EPHA6: variants seen among roughly 807,000 people sequenced by gnomAD.
EPHA6 encodes the protein EPH receptor A6, also known as ephrin type-A receptor 6.
In EPHA6, 50 loss-of-function variants were observed where a neutral mutation model predicts 112.0. The ratio of observed to expected loss-of-function variants is 0.45; its 90% confidence interval spans 0.36 to 0.56. The LOEUF (loss-of-function observed/expected upper bound fraction) is 0.56. EPHA6 is among the 20% of genes least tolerant of loss of function. The pLI is 0.00. For synonymous variants in EPHA6, 529 were observed against 490.7 expected (o/e 1.08, Z -1.03); for missense variants, 1,280 against 1,417.4 (o/e 0.90, Z 1.56).
intron 7 of EPHA6, among the ~76,000 whole-genome samples, chr3:97,460,651 G>A (rs1450832084): frequency 1.3e-5 from 2 of 152,168 alleles, no homozygotes; most frequent in African/African-American, 4.8e-5. Context: ...GCCAAAAGAA[G>A]CTACATGCCC....
intron 10 of EPHA6, among the ~76,000 whole-genome samples, chr3:97,498,578 T>G (rs79533598): frequency 0.012 from 1,880 of 152,274 alleles, 35 homozygotes; most frequent in African/African-American, 0.043. Flanking sequence ...ATTTGATGTA[T>G]TGGCCTGGTA....
chr3:97,220,342 C>T (rs1003072435), intron 3 of EPHA6, among the ~76,000 whole-genome samples: 1 of 152,186 alleles, frequency 6.6e-6, no homozygotes, highest in South Asian at 2.1e-4. Flanking sequence ...TCCAAAGACG[C>T]TTCCACACTT....
intron 5 of EPHA6, among the ~76,000 whole-genome samples, chr3:97,333,879 C>T (rs1290104074): frequency 6.6e-6 from 1 of 151,998 alleles, no homozygotes; most frequent in Non-Finnish European, 1.5e-5. Flanking sequence ...TGGCCTTTTT[C>T]CTGAACTTAT....
At chr3:97,425,558 A>G (rs899487700) in intron 6 of EPHA6, among the ~76,000 whole-genome samples, 31 of 152,248 alleles carry the variant, frequency 2.0e-4, no homozygotes, top group Non-Finnish European at 4.6e-4. Context: ...CAGCCATGAA[A>G]ACATTCTTTT....
intron 5 of EPHA6, among the ~76,000 whole-genome samples, chr3:97,324,408 T>TCTTTCTTC (rs2082274007): frequency 1.0e-5 from 1 of 97,198 alleles, no homozygotes; most frequent in Non-Finnish European, 2.1e-5. Context: ...TTCCTTCTTT[T>TCTTTCTTC]CTTTCTTTCT....
chr3:97,059,055 A>G (rs1382730729), intron 3 of EPHA6, among the ~76,000 whole-genome samples: 1 of 152,130 alleles, frequency 6.6e-6, no homozygotes, highest in African/African-American at 2.4e-5. Context: ...AAAATAGGAG[A>G]TGAGGAAAAA....
intron 2 of EPHA6, among the ~76,000 whole-genome samples, chr3:96,963,703 T>C (rs2042025076): frequency 6.6e-6 from 1 of 152,182 alleles, no homozygotes; most frequent in Admixed American, 6.6e-5. Context: ...TGAACAGATA[T>C]GCCAGAATAC....
intron 14 of EPHA6, among the ~76,000 whole-genome samples, chr3:97,660,678 A>T (rs934949841): frequency 1.3e-5 from 2 of 152,244 alleles, no homozygotes; most frequent in Non-Finnish European, 1.5e-5. Flanking sequence ...GCCCACCAGT[A>T]CAGACATTGA....
chr3:96,911,370 A>G (rs1390715392), intron 2 of EPHA6, among the ~76,000 whole-genome samples: 1 of 152,082 alleles, frequency 6.6e-6, no homozygotes, highest in Non-Finnish European at 1.5e-5. Context: ...ACTTTAATGT[A>G]AGAATACGGT....
chr3:97,629,592 T>C (rs2093886712), intron 13 of EPHA6, among the ~76,000 whole-genome samples: 1 of 152,044 alleles, frequency 6.6e-6, no homozygotes, highest in Admixed American at 6.6e-5. Context: ...GATCTTTTGA[T>C]TGTATATAAT....
In EPHA6 at chr3:97,669,523, A is replaced by T. The variant is rs370874751; in HGVS notation, c.2784+31441A>T. 8.6e-5 allele frequency among the ~76,000 whole-genome samples: 13 copies of T among 151,836 alleles called. No individual in the cohort carries two copies. In the South Asian group the frequency reaches 2.7e-3, roughly 32 times the overall value. ...TGGCACTCACCTAGAGTCCTAGCTTAGGCTGAGAGAGGAGGATTGCTTGAG... is the reference window on the plus strand; with the variant it reads ...TGGCACTCACCTAGAGTCCTAGCTTTGGCTGAGAGAGGAGGATTGCTTGAG... On this transcript the variant is annotated intron_variant, in intron 14 of 17. Transcript: ENST00000389672.
At chr3:97,257,940 T>A (rs534281796) in intron 5 of EPHA6, among the ~76,000 whole-genome samples, 1 of 152,140 alleles carries the variant, frequency 6.6e-6, no homozygotes, top group South Asian at 2.1e-4. Flanking sequence ...CATAAGGAAA[T>A]GAATATTAAA....
intron 5 of EPHA6, among the ~76,000 whole-genome samples, chr3:97,247,696 C>T (rs368929734): frequency 9.2e-5 from 14 of 151,746 alleles, no homozygotes; most frequent in African/African-American, 3.1e-4. Flanking sequence ...CTGAAGAGTT[C>T]ATCTAAAATT....
intron 3 of EPHA6, among the ~76,000 whole-genome samples, chr3:97,189,152 A>G (rs9853340): frequency 0.16 from 24,452 of 152,026 alleles, 2,267 homozygotes; most frequent in Non-Finnish European, 0.22. Flanking sequence ...TGTAAATATA[A>G]CATCATCAAG....
At chr3:97,747,700 C>G in intron 17 of EPHA6, 128 bp downstream of exon 17, 1 of 748,866 alleles carries the variant, frequency 1.3e-6, no homozygotes, top group Non-Finnish European at 1.9e-6. Context: ...CCATTTCTGA[C>G]TATCATTCTA....
At chr3:97,359,354 T>C (rs1215517609) in intron 5 of EPHA6, among the ~76,000 whole-genome samples, 2 of 152,082 alleles carry the variant, frequency 1.3e-5, no homozygotes, top group African/African-American at 4.8e-5. Flanking sequence ...TAAGTTTTTA[T>C]TTCAGTTATT....
chr3:97,669,114 G>A lies in EPHA6; in HGVS notation c.2784+31032G>A, dbSNP rs558848525. On this transcript the variant is annotated intron_variant, in intron 14 of 17. Transcript: ENST00000389672. ...TTAGTGAGTCATCCCTGAGTTGCGA[G>A]ATCCCAAAGGTACACTAACTGTAGG... is the stretch of plus-strand genomic sequence containing the variant. 1.5e-3 allele frequency among the ~76,000 whole-genome samples: 231 copies of A among 151,960 alleles called. 1 individual carries two copies. Among genetic ancestry groups the A allele is most frequent in the African/African-American group, 5.5e-3 (227 of 41,458 alleles).
intron 5 of EPHA6, among the ~76,000 whole-genome samples, chr3:97,288,060 A>G (rs1403418874): frequency 4.2e-5 from 5 of 117,944 alleles, no homozygotes; most frequent in Non-Finnish European, 7.9e-5. Flanking sequence ...AGGAGACGTA[A>G]AAAAAAAAAA....
At chr3:97,414,162 G>A (rs77194661) in intron 6 of EPHA6, among the ~76,000 whole-genome samples, 11 of 152,054 alleles carry the variant, frequency 7.2e-5, no homozygotes, top group African/African-American at 2.7e-4. Context: ...GTCTGATATA[G>A]GGTTGAGTTT....
Sources: gnomAD v4.1 joint callset for allele counts (sites outside exome capture counted in the v4.1 genomes callset) on GRCh38, gnomAD v4.1.1 for gene constraint, MANE v1.5 for transcripts, NCBI Gene and HGNC (gene_info 2026-07-23, HGNC 2026-07-21) for gene names.